Variants in SPC25 observed in about 807,000 individuals in gnomAD.
SPC25 encodes the protein kinetochore protein Spc25.
In SPC25, 22 loss-of-function variants were observed where a neutral mutation model predicts 29.6. The ratio of observed to expected loss-of-function variants is 0.74; its 90% CI spans 0.53 to 1.06. The LOEUF is 1.06. Among genes scored for constraint, SPC25 ranks in the 50% least tolerant of loss-of-function variants. The probability of loss-of-function intolerance (pLI) is 0.00; values close to 1 mark genes in which losing one functional copy is unlikely to be tolerated. For missense variants in SPC25, 230 were observed against 255.8 expected, an observed-to-expected ratio of 0.90 and a Z score of 0.69; for synonymous variants, 91 against 90.4, an observed-to-expected ratio of 1.01 and a Z score of -0.04.
intron 3 of SPC25, among the ~76,000 whole-genome samples, chr2:168,883,776 C>T (rs1369315228): frequency 3.1e-4 from 44 of 141,544 alleles, no homozygotes; most frequent in African/African-American, 8.9e-4. Context: ...ATTTTTTTTT[C>T]TTTTTTTTTT....
At chr2:168,862,787 T>G (rs1438909224) in intron 4 of SPC25, among the ~76,000 whole-genome samples, 1 of 152,154 alleles carries the variant, frequency 6.6e-6, no homozygotes, top group Non-Finnish European at 1.5e-5. Flanking sequence ...AAACCATGTT[T>G]GAATGTTAGC....
chr2:168,872,917 G>A (rs568041572), intron 6 of SPC25, among the ~76,000 whole-genome samples: 2 of 152,250 alleles, frequency 1.3e-5, no homozygotes, highest in East Asian at 3.9e-4. Flanking sequence ...GCTTTAAGAT[G>A]ATAGCATAGG....
chr2:168,862,553 TG>T (rs2105799769), intron 4 of SPC25, among the ~76,000 whole-genome samples: 1 of 151,150 alleles, frequency 6.6e-6, no homozygotes, highest in South Asian at 2.1e-4. Flanking sequence ...TGTAAGTAAG[TG>T]CAAATTCTAG....
chr2:168,875,218 T>C (rs1302909203), intron 5 of SPC25, among the ~76,000 whole-genome samples: 3 of 152,122 alleles, frequency 2.0e-5, no homozygotes, highest in African/African-American at 7.2e-5. Flanking sequence ...CCTGAAACCG[T>C]AGATAGTAGC....
At chr2:168,889,744 G>A (rs1690358336) in intron 1 of SPC25, among the ~76,000 whole-genome samples, 1 of 152,148 alleles carries the variant, frequency 6.6e-6, no homozygotes, top group African/African-American at 2.4e-5. Flanking sequence ...CCTCCTAGCA[G>A]CTTGTTAGTA....
chr2:168,862,060 T>C, intron 4 of SPC25: 1 of 1,610,276 alleles, frequency 6.2e-7, no homozygotes, highest in Non-Finnish European at 8.5e-7. Context: ...GTAAGAATCA[T>C]TCTCAAATAT....
chr2:168,890,084 C>G (rs1690366858), intron 1 of SPC25, among the ~76,000 whole-genome samples: 1 of 152,134 alleles, frequency 6.6e-6, no homozygotes, highest in Non-Finnish European at 1.5e-5. Flanking sequence ...CTGGACCCAC[C>G]AGTACTCTGC....
intron 1 of SPC25, 38 bp downstream of exon 1, chr2:168,890,280 G>C (rs926004464): frequency 2.6e-5 from 25 of 947,526 alleles, no homozygotes; most frequent in Non-Finnish European, 3.0e-5. Flanking sequence ...TTGCGACAGG[G>C]GGGCCAAGGA....
intron 4 of SPC25, chr2:168,862,077 T>G: frequency 6.3e-7 from 1 of 1,584,762 alleles, no homozygotes; most frequent in South Asian, 1.1e-5. Flanking sequence ...ATATTTTAAT[T>G]GCCTTCCCAT....
At chr2:168,881,309 C>T (rs2105830449) in intron 3 of SPC25, among the ~76,000 whole-genome samples, 1 of 152,324 alleles carries the variant, frequency 6.6e-6, no homozygotes, top group African/African-American at 2.4e-5. Flanking sequence ...ACTACCCACC[C>T]CTTTCTCACA....
intron 3 of SPC25, among the ~76,000 whole-genome samples, chr2:168,887,421 C>CAAAAAAAAAA (rs5836211): frequency 7.6e-6 from 1 of 131,390 alleles, no homozygotes; most frequent in East Asian, 2.1e-4. Flanking sequence ...GACTCCATCT[C>CAAAAAAAAAA]AAAAAAAAAA....
downstream of SPC25, among the ~76,000 whole-genome samples, chr2:168,867,401 T>G (rs532883062): frequency 2.0e-5 from 3 of 152,318 alleles, no homozygotes; most frequent in South Asian, 6.2e-4. Context: ...ACTTTAAATG[T>G]AAATGGGCTA....
chr2:168,870,035 C>G (rs979320070), downstream of SPC25, among the ~76,000 whole-genome samples: 1 of 151,968 alleles, frequency 6.6e-6, no homozygotes, highest in Non-Finnish European at 1.5e-5. Context: ...CAGAACAGAG[C>G]CCTCAGAAAT....
Position 168,865,128 on chromosome 2 carries a change from G to GAAAC in SPC25, n.419+8453_419+8456dup, listed in dbSNP as rs796194578. 1.3e-5 allele frequency: 10 copies of GAAAC among 763,066 alleles called. No individual in the cohort carries two copies. The African/African-American group carries it at 1.4e-4, about 11-fold the overall frequency. The allele number at this position is 763,066 out of a possible 1,614,324, so 47.3% of individuals were successfully genotyped here. A position where few individuals can be genotyped will look rare whatever the true frequency, so the allele number is the denominator to read the frequency against. ...ACTTTGCATTCATGATTATTAGCTTGAAACAGTCAGAAAAAAGATGGATGG... is the reference window on the plus strand; with the variant it reads ...ACTTTGCATTCATGATTATTAGCTTGAAACAAACAGTCAGAAAAAAGATGGATGG... On this transcript the variant is annotated intron_variant and non_coding_transcript_variant, in intron 4 of 4. Transcript: ENST00000479309.
intron 3 of SPC25, among the ~76,000 whole-genome samples, chr2:168,888,774 T>C (rs1319866452): frequency 6.7e-6 from 1 of 149,180 alleles, no homozygotes; most frequent in East Asian, 2.0e-4. Context: ...TATATATATA[T>C]ATTTTAATTT....
intron 3 of SPC25, 22 bp downstream of exon 3, chr2:168,889,204 T>C: frequency 6.2e-7 from 1 of 1,600,484 alleles, no homozygotes; most frequent in Non-Finnish European, 8.5e-7. Flanking sequence ...AAAAACCCCA[T>C]GATTTATACT....
At chr2:168,877,133 T>G in intron 4 of SPC25, 105 bp downstream of exon 4, 2 of 1,256,824 alleles carry the variant, frequency 1.6e-6, no homozygotes, top group Non-Finnish European at 2.2e-6. Flanking sequence ...TGGGGTACTG[T>G]AATCCATTTT....
intron 3 of SPC25, among the ~76,000 whole-genome samples, chr2:168,883,766 AT>A (rs1212827702): frequency 4.1e-5 from 6 of 144,772 alleles, no homozygotes; most frequent in Admixed American, 6.9e-5. Flanking sequence ...CTGTATGACC[AT>A]TTTTTTTTCT....
At chr2:168,877,495 T>G in intron 3 of SPC25, 111 bp from the exon 4 acceptor site, 1 of 1,202,864 alleles carries the variant, frequency 8.3e-7, no homozygotes. Context: ...ATGTTTTGAC[T>G]GATAAGCATT....
Sources: allele counts gnomAD v4.1 joint callset (sites outside exome capture counted in the v4.1 genomes callset), GRCh38; gene constraint gnomAD v4.1.1; transcripts MANE v1.5; gene names NCBI Gene and HGNC (gene_info 2026-07-23, HGNC 2026-07-21).